CALN1: variants seen among roughly 807,000 people sequenced by gnomAD.
CALN1 encodes calneuron 1.
A neutral mutation model predicts 30.6 loss-of-function variants in CALN1; 17 were observed. The ratio of observed to expected loss-of-function variants is 0.56; its 90% CI spans 0.38 to 0.83. The LOEUF is 0.83. Ranked by LOEUF, CALN1 falls within the 40% of genes least tolerant of loss-of-function variation. The pLI is 0.00. For missense variants in CALN1, 291 were observed against 354.9 expected (o/e 0.82, Z 1.45); for synonymous variants, 156 against 131.4 (o/e 1.19, Z -1.28).
intron 4 of CALN1, among the ~76,000 whole-genome samples, chr7:72,047,256 A>T (rs1802529226): frequency 6.6e-6 from 1 of 152,210 alleles, no homozygotes; most frequent in Admixed American, 6.6e-5. Context: ...TCCACAAAGA[A>T]GATTTGTCCA....
intron 4 of CALN1, among the ~76,000 whole-genome samples, chr7:72,100,949 G>A (rs1045579578): frequency 1.3e-5 from 2 of 151,374 alleles, no homozygotes; most frequent in Non-Finnish European, 2.9e-5. Context: ...TAGTCCATTT[G>A]ACTAGGATTT....
chr7:71,820,406 G>A (rs764716488), intron 5 of CALN1, among the ~76,000 whole-genome samples: 3 of 152,196 alleles, frequency 2.0e-5, no homozygotes, highest in Non-Finnish European at 2.9e-5. Context: ...TTGGGCACAT[G>A]TTCTCAGGAC....
At chr7:71,877,928 T>C (rs1241244834) in intron 5 of CALN1, among the ~76,000 whole-genome samples, 1 of 152,194 alleles carries the variant, frequency 6.6e-6, no homozygotes, top group Non-Finnish European at 1.5e-5. Context: ...GGTAGTCAAA[T>C]GTCAGCATGC....
chr7:71,892,246 A>T (rs544954325), intron 5 of CALN1, among the ~76,000 whole-genome samples: 1 of 152,344 alleles, frequency 6.6e-6, no homozygotes, highest in South Asian at 2.1e-4. Flanking sequence ...ATAGATTTTT[A>T]AAAAATGATT....
intron 3 of CALN1, among the ~76,000 whole-genome samples, chr7:72,271,575 A>AAAAAAAAAAAAAAAAAAATATATATATAT: frequency 3.8e-5 from 2 of 52,122 alleles, no homozygotes; most frequent in African/African-American, 1.3e-4. Flanking sequence ...AAAAAAAAAA[A>AAAAAAAAAAAAAAAAAAATATATATATAT]ATATATATAT....
intron 5 of CALN1, among the ~76,000 whole-genome samples, chr7:71,839,481 G>A (rs1324526699): frequency 6.6e-6 from 1 of 152,160 alleles, no homozygotes; most frequent in East Asian, 1.9e-4. Context: ...ATAGTGAGCC[G>A]AGATTGCACC....
chr7:72,332,643 T>A (rs1801752298), intron 2 of CALN1, among the ~76,000 whole-genome samples: 1 of 152,150 alleles, frequency 6.6e-6, no homozygotes, highest in Non-Finnish European at 1.5e-5. Flanking sequence ...CTGGACTGCC[T>A]AATGCCTGAG....
At chr7:72,294,353 A>G (rs889349787) in intron 2 of CALN1, among the ~76,000 whole-genome samples, 4 of 152,196 alleles carry the variant, frequency 2.6e-5, no homozygotes, top group Admixed American at 6.5e-5. Context: ...AAAGATGATG[A>G]AGGTCATTCT....
intron 5 of CALN1, among the ~76,000 whole-genome samples, chr7:72,002,455 T>C (rs934168747): frequency 6.6e-6 from 1 of 152,196 alleles, no homozygotes; most frequent in Non-Finnish European, 1.5e-5. Flanking sequence ...GTACAGTTTC[T>C]AGTGAATACA....
chr7:72,235,079 C>A (rs543148375), intron 3 of CALN1, among the ~76,000 whole-genome samples: 6 of 151,978 alleles, frequency 3.9e-5, no homozygotes, highest in African/African-American at 1.4e-4. Flanking sequence ...TTGAGACCAC[C>A]CTGAGCAATA....
intron 5 of CALN1, among the ~76,000 whole-genome samples, chr7:71,832,856 T>C (rs1789372496): frequency 6.6e-6 from 1 of 152,046 alleles, no homozygotes; most frequent in South Asian, 2.1e-4. Context: ...TCCACCCGCA[T>C]TGGCCTCCCA....
chr7:72,245,618 C>CTAAATAAATAAA (rs36174609), intron 3 of CALN1, among the ~76,000 whole-genome samples: 247 of 143,434 alleles, frequency 1.7e-3, no homozygotes, highest in African/African-American at 2.7e-3. Context: ...AACTCCATCT[C>CTAAATAAATAAA]TAAATAAATA....
At chr7:72,412,993 C>T (rs1254269232), upstream of CALN1, among the ~76,000 whole-genome samples, 1 of 152,192 alleles carries the variant, frequency 6.6e-6, no homozygotes, top group Non-Finnish European at 1.5e-5. Flanking sequence ...TGCTGGCTCA[C>T]GCTAAGCCCA....
At chr7:71,936,770 T>A (rs1009093645) in intron 5 of CALN1, among the ~76,000 whole-genome samples, 2 of 152,202 alleles carry the variant, frequency 1.3e-5, no homozygotes, top group African/African-American at 4.8e-5. Context: ...TCTTGAATTG[T>A]AGCTCCCATA....
At chr7:72,474,720 G>A in the CALN1 span, among the ~76,000 whole-genome samples, 14 of 151,164 alleles carry the variant, frequency 9.3e-5, no homozygotes, top group African/African-American at 3.4e-4. Context: ...ACCCTTCATT[G>A]CTCCCTAAAA....
chr7:72,132,093 C>T (rs1232285634), intron 3 of CALN1, among the ~76,000 whole-genome samples: 1 of 152,180 alleles, frequency 6.6e-6, no homozygotes, highest in Admixed American at 6.5e-5. Flanking sequence ...TACACAAAAA[C>T]ATATTGATCA....
chr7:71,989,739 T>C (rs965125768), intron 5 of CALN1, among the ~76,000 whole-genome samples: 2 of 152,110 alleles, frequency 1.3e-5, no homozygotes, highest in Non-Finnish European at 2.9e-5. Context: ...AACATTATCC[T>C]GATTAGAGGA....
At chr7:72,122,355 T>C (rs1808456444) in intron 3 of CALN1, among the ~76,000 whole-genome samples, 1 of 151,970 alleles carries the variant, frequency 6.6e-6, no homozygotes, top group South Asian at 2.1e-4. Flanking sequence ...AGAAAGAAAC[T>C]AGAGAAAAAG....
At chr7:72,121,180 A>T (rs1391501438) in intron 3 of CALN1, among the ~76,000 whole-genome samples, 2 of 144,694 alleles carry the variant, frequency 1.4e-5, no homozygotes, top group African/African-American at 5.0e-5. Flanking sequence ...ATATAATTAT[A>T]TATTATGTAT....
Sources: gnomAD v4.1 joint callset for allele counts (sites outside exome capture counted in the v4.1 genomes callset) on GRCh38, gnomAD v4.1.1 for gene constraint, MANE v1.5 for transcripts, NCBI Gene and HGNC (gene_info 2026-07-23, HGNC 2026-07-21) for gene names.